The following CTNNA3 variants were observed in gnomAD, a reference collection of about 807,000 sequenced individuals.
CTNNA3 encodes catenin alpha 3.
CTNNA3 carries 76 observed loss-of-function variants against 95.7 expected under a neutral mutation model. That is an observed-to-expected ratio of 0.79 (90% CI 0.66 to 0.96). The LOEUF (loss-of-function observed/expected upper bound fraction) is 0.96, where lower values mean the gene tolerates loss of function less well. Among genes scored for constraint, CTNNA3 ranks in the 40% least tolerant of loss-of-function variants. CTNNA3 has a pLI of 0.00. For synonymous variants in CTNNA3, 431 were observed against 374.4 expected (o/e 1.15, Z -1.74); for missense variants, 1,191 against 1,089.8 (o/e 1.09, Z -1.31).
chr10:67,681,144 C>A (rs182943632), intron 1 of CTNNA3, among the ~76,000 whole-genome samples: 3 of 152,064 alleles, frequency 2.0e-5, no homozygotes, highest in Non-Finnish European at 4.4e-5. Context: ...TGTTAAATGT[C>A]CACAGACCAC....
chr10:66,308,167 C>T (rs1390613531), intron 12 of CTNNA3, among the ~76,000 whole-genome samples: 1 of 152,244 alleles, frequency 6.6e-6, no homozygotes, highest in South Asian at 2.1e-4. Flanking sequence ...CATCAGATAA[C>T]ATTTTATGAA....
At chr10:66,182,222 A>G (rs2086076136) in intron 13 of CTNNA3, among the ~76,000 whole-genome samples, 1 of 152,038 alleles carries the variant, frequency 6.6e-6, no homozygotes, top group Non-Finnish European at 1.5e-5. Flanking sequence ...AATTTAAGGT[A>G]AGAATGCTCA....
At chr10:67,611,922 A>G (rs539980611) in intron 2 of CTNNA3, among the ~76,000 whole-genome samples, 1 of 152,366 alleles carries the variant, frequency 6.6e-6, no homozygotes, top group African/African-American at 2.4e-5. Context: ...GAAAGAAATT[A>G]GAAGGGTAGA....
rs1398727561 is a variant in CTNNA3 at position 67,501,369 on chromosome 10, G to A, written c.579+20473C>T. Among the ~76,000 whole-genome samples the A allele has an allele frequency of 3.9e-5, 6 of 152,152 alleles. No homozygotes were observed. The South Asian group carries it at 6.2e-4, about 16-fold the overall frequency. ...ATGGGCTTCCCTTTGCGGGTAACCC[G>A]ACCTTTCTCTCTGTCTGCCCTTAAC... On this transcript the variant is annotated intron_variant, in intron 5 of 17. Transcript: ENST00000433211.
chr10:67,518,551 A>C (rs1839890148), intron 5 of CTNNA3, among the ~76,000 whole-genome samples: 1 of 152,160 alleles, frequency 6.6e-6, no homozygotes. Flanking sequence ...GCTTTAGTCT[A>C]TATAATGTTC....
At chr10:67,370,012 G>T (rs1238505719) in intron 5 of CTNNA3, among the ~76,000 whole-genome samples, 1 of 152,112 alleles carries the variant, frequency 6.6e-6, no homozygotes, top group Non-Finnish European at 1.5e-5. Context: ...ATGTGTAGGT[G>T]TGTCTACATA....
chr10:66,730,954 A>G (rs1362409276), intron 9 of CTNNA3, among the ~76,000 whole-genome samples: 1 of 152,218 alleles, frequency 6.6e-6, no homozygotes, highest in Non-Finnish European at 1.5e-5. Context: ...CTAGGAAAGT[A>G]CAAAGTGATT....
At chr10:67,543,534 G>GA in intron 3 of CTNNA3, among the ~76,000 whole-genome samples, 1 of 152,066 alleles carries the variant, frequency 6.6e-6, no homozygotes, top group Non-Finnish European at 1.5e-5. Flanking sequence ...CATAGTATAA[G>GA]AAAAATATCC....
At chr10:66,459,440 G>C (rs1239357197) in intron 11 of CTNNA3, among the ~76,000 whole-genome samples, 1 of 152,154 alleles carries the variant, frequency 6.6e-6, no homozygotes, top group African/African-American at 2.4e-5. Context: ...TGATCAGATA[G>C]TAATCTATGA....
intron 7 of CTNNA3, among the ~76,000 whole-genome samples, chr10:66,944,459 T>C (rs1351039068): frequency 6.6e-6 from 1 of 152,184 alleles, no homozygotes; most frequent in Non-Finnish European, 1.5e-5. Flanking sequence ...CCTCTCAAAG[T>C]CATCCATGAG....
intron 9 of CTNNA3, among the ~76,000 whole-genome samples, chr10:66,700,704 G>A (rs370169187): frequency 6.6e-6 from 1 of 150,476 alleles, no homozygotes; most frequent in South Asian, 2.1e-4. Flanking sequence ...TTAATTATAA[G>A]AGTGAAGTTA....
At chr10:66,769,752 C>A (rs542786368) in intron 8 of CTNNA3, among the ~76,000 whole-genome samples, 7 of 152,338 alleles carry the variant, frequency 4.6e-5, no homozygotes, top group South Asian at 4.1e-4. Flanking sequence ...TTCCTACCCT[C>A]CATCCATTAG....
At chr10:66,785,636 T>C (rs1840711763) in intron 7 of CTNNA3, among the ~76,000 whole-genome samples, 1 of 152,174 alleles carries the variant, frequency 6.6e-6, no homozygotes, top group Non-Finnish European at 1.5e-5. Context: ...CCCCTGGTTC[T>C]CTGGCCCTCA....
chr10:66,955,710 G>A (rs184852510), intron 7 of CTNNA3, among the ~76,000 whole-genome samples: 2 of 152,254 alleles, frequency 1.3e-5, no homozygotes, highest in Admixed American at 1.3e-4. Flanking sequence ...ACAAACTGGA[G>A]ATCAGCCTCC....
chr10:66,098,118 G>C (rs2081471530), intron 14 of CTNNA3: 1 of 152,056 alleles, frequency 6.6e-6, no homozygotes, highest in Non-Finnish European at 1.5e-5. Flanking sequence ...TTGTAGGATG[G>C]GGACGTGTAG....
intron 5 of CTNNA3, among the ~76,000 whole-genome samples, chr10:67,365,619 G>GA (rs1183184906): frequency 1.3e-5 from 2 of 152,156 alleles, no homozygotes; most frequent in African/African-American, 2.4e-5. Flanking sequence ...ACAGACACAT[G>GA]AAAAAATGCT....
rs1203053658 is a variant in CTNNA3, at chr10:66,675,256, A to T, written c.1282-53472T>A. ...CTGCTGCTTTTTTTTTTCTTTTTAA[A>T]TAAATTACTGAAAGAGTATGCTTGC... On this transcript the variant is annotated intron_variant, in intron 9 of 17. Transcript: ENST00000433211. Among the ~76,000 whole-genome samples, 2 of 151,992 alleles carry T rather than the reference A, an allele frequency of 1.3e-5. 1 individual carries two copies. The highest frequency in any genetic ancestry group is 3.9e-4 in the East Asian group (2 of 5,172).
At chr10:66,856,154 G>C (rs1843675674) in intron 7 of CTNNA3, among the ~76,000 whole-genome samples, 1 of 151,938 alleles carries the variant, frequency 6.6e-6, no homozygotes, top group Non-Finnish European at 1.5e-5. Flanking sequence ...GTTCCCACCT[G>C]TAAGTGAGAA....
chr10:66,687,333 T>C (rs10997304), intron 9 of CTNNA3, among the ~76,000 whole-genome samples: 3,114 of 151,952 alleles, frequency 0.02, 114 homozygotes, highest in East Asian at 0.17. Flanking sequence ...ATTGAAGGCT[T>C]CTTCTTTGTC....
Sources: allele counts gnomAD v4.1 joint callset (sites outside exome capture counted in the v4.1 genomes callset), GRCh38; gene constraint gnomAD v4.1.1; transcripts MANE v1.5; gene names NCBI Gene and HGNC (gene_info 2026-07-23, HGNC 2026-07-21).